The following PCDHA5 variants were observed in gnomAD, a reference collection of about 807,000 sequenced individuals.
PCDHA5 encodes protocadherin alpha-5.
A neutral mutation model predicts 61.6 loss-of-function variants in PCDHA5; 43 were observed. The ratio of observed to expected loss-of-function variants is 0.70; its 90% CI spans 0.55 to 0.90. The LOEUF (loss-of-function observed/expected upper bound fraction) is 0.90, where lower values mean the gene tolerates loss of function less well. Among genes scored for constraint, PCDHA5 ranks in the 40% least tolerant of loss-of-function variants. The pLI, the probability that PCDHA5 is intolerant of heterozygous loss-of-function variation, is 0.00. For missense variants in PCDHA5, 1,298 were observed against 1,222.7 expected, an observed-to-expected ratio of 1.06 and a Z score of -0.92; for synonymous variants, 627 against 543.9, an observed-to-expected ratio of 1.15 and a Z score of -2.13.
chr5:140,926,180 C>A (rs1341994925), intron 1 of PCDHA5, among the ~76,000 whole-genome samples: 1 of 151,710 alleles, frequency 6.6e-6, no homozygotes, highest in Admixed American at 6.6e-5. Flanking sequence ...CGCGGAAAGC[C>A]CCCCGCAGCA....
chr5:140,862,622 G>T (rs2047457580), intron 1 of PCDHA5: 8 of 530,260 alleles, frequency 1.5e-5, no homozygotes, highest in South Asian at 1.1e-4. Context: ...AACAACCCGC[G>T]GGGCTGCCAC....
chr5:140,967,218 C>T, intron 1 of PCDHA5: 3 of 1,613,744 alleles, frequency 1.9e-6, no homozygotes, highest in South Asian at 1.1e-5. Flanking sequence ...TTCCCGCGGC[C>T]CAACTACCAG....
At chr5:140,951,247 A>G (rs185452142) in intron 1 of PCDHA5, among the ~76,000 whole-genome samples, 1 of 152,230 alleles carries the variant, frequency 6.6e-6, no homozygotes, top group Non-Finnish European at 1.5e-5. Context: ...TTAGGAATGC[A>G]TCACATTTTT....
At chr5:140,832,640 G>T (rs2150203055) in intron 1 of PCDHA5, among the ~76,000 whole-genome samples, 1 of 152,252 alleles carries the variant, frequency 6.6e-6, no homozygotes, top group Middle Eastern at 3.4e-3. Flanking sequence ...TCCTAGGAGG[G>T]TCTTTAAGAG....
chr5:140,834,589 A>G (rs2150222134), intron 1 of PCDHA5: 2 of 1,614,090 alleles, frequency 1.2e-6, no homozygotes, highest in South Asian at 1.1e-5. Flanking sequence ...GCGGTGTGCA[A>G]ATTCCGTGGG....
intron 3 of PCDHA5, among the ~76,000 whole-genome samples, chr5:141,003,148 GA>G (rs1554258931): frequency 1.3e-5 from 2 of 152,188 alleles, no homozygotes; most frequent in African/African-American, 4.8e-5. Flanking sequence ...CAAAGACTCT[GA>G]CCTGATCAAT....
intron 3 of PCDHA5, among the ~76,000 whole-genome samples, chr5:140,985,169 C>G (rs1169892350): frequency 6.6e-6 from 1 of 152,122 alleles, no homozygotes; most frequent in Non-Finnish European, 1.5e-5. Flanking sequence ...AATCTCCTGA[C>G]CTCGTAATCC....
chr5:140,985,650 A>G (rs2097162504), intron 3 of PCDHA5, among the ~76,000 whole-genome samples: 2 of 151,684 alleles, frequency 1.3e-5, no homozygotes, highest in South Asian at 4.2e-4. Context: ...AACACTTGCA[A>G]TGGCTGAATA....
intron 1 of PCDHA5, chr5:140,875,236 C>T: frequency 1.1e-6 from 1 of 889,228 alleles, no homozygotes. Context: ...CTTTCTTGTA[C>T]TTACATAATC....
chr5:140,850,619 T>C (rs1327307215), intron 1 of PCDHA5: 1 of 1,598,468 alleles, frequency 6.3e-7, no homozygotes, highest in Non-Finnish European at 8.6e-7. Context: ...GCGCGGTGTC[T>C]AGCCTGTTGG....
intron 1 of PCDHA5, chr5:140,834,326 A>G: frequency 1.4e-6 from 2 of 1,449,926 alleles, no homozygotes; most frequent in South Asian, 1.3e-5. Flanking sequence ...GGATAAAAAC[A>G]TTCCTATAAA....
At chr5:140,986,181 G>A (rs531382269) in intron 3 of PCDHA5, among the ~76,000 whole-genome samples, 1 of 152,152 alleles carries the variant, frequency 6.6e-6, no homozygotes, top group Admixed American at 6.6e-5. Flanking sequence ...AACAAGTCAG[G>A]CATTAAATTG....
chr5:140,838,890 A>G (rs1775934707), intron 1 of PCDHA5, among the ~76,000 whole-genome samples: 1 of 152,012 alleles, frequency 6.6e-6, no homozygotes, highest in Non-Finnish European at 1.5e-5. Context: ...ACTCCAGCCT[A>G]GGTGACAGAG....
intron 1 of PCDHA5, chr5:140,825,191 A>G (rs1768473912): frequency 6.6e-6 from 1 of 151,754 alleles, no homozygotes; most frequent in African/African-American, 2.4e-5. Flanking sequence ...CTTGATGATC[A>G]TGAATTATCA....
At chr5:140,877,159 C>G in intron 1 of PCDHA5, 2 of 1,613,818 alleles carry the variant, frequency 1.2e-6, no homozygotes, top group Non-Finnish European at 1.7e-6. Flanking sequence ...CGACAACGCG[C>G]CGGCACTGCT....
At chr5:140,915,582 G>T (rs991142864) in intron 1 of PCDHA5, among the ~76,000 whole-genome samples, 1 of 151,936 alleles carries the variant, frequency 6.6e-6, no homozygotes, top group Non-Finnish European at 1.5e-5. Context: ...CCAGGCAAAA[G>T]CACTTGTTCT....
At chr5:140,870,863 G>A in intron 1 of PCDHA5, 1 of 1,613,928 alleles carries the variant, frequency 6.2e-7, no homozygotes, top group Non-Finnish European at 8.5e-7. Flanking sequence ...GTGGGTGCGG[G>A]CCACGTGGTG....
chr5:140,968,715 A>G, intron 1 of PCDHA5: 1 of 1,614,132 alleles, frequency 6.2e-7, no homozygotes, highest in Non-Finnish European at 8.5e-7. Context: ...AAGATGGGAG[A>G]TGAGAGTGGT....
intron 1 of PCDHA5, among the ~76,000 whole-genome samples, chr5:140,895,800 T>C (rs1352398048): frequency 6.6e-6 from 1 of 152,182 alleles, no homozygotes; most frequent in Non-Finnish European, 1.5e-5. Context: ...ATATGTACAA[T>C]ACTGTATTGT....
Sources: gnomAD v4.1 joint callset for allele counts (sites outside exome capture counted in the v4.1 genomes callset) on GRCh38, gnomAD v4.1.1 for gene constraint, MANE v1.5 for transcripts, NCBI Gene and HGNC (gene_info 2026-07-23, HGNC 2026-07-21) for gene names.